EXD3: variants seen among roughly 807,000 people sequenced by gnomAD.
EXD3 encodes exonuclease 3'-5' domain containing 3.
Under a neutral mutation model 98.0 loss-of-function variants are expected in EXD3, and 92 were observed. That is an observed-to-expected ratio of 0.94 (90% confidence interval 0.79 to 1.12). The LOEUF (loss-of-function observed/expected upper bound fraction) is 1.12, where lower values mean the gene tolerates loss of function less well. Among genes scored for constraint, EXD3 ranks in the 50% most tolerant of loss-of-function variants. The pLI, the probability that EXD3 is intolerant of heterozygous loss-of-function variation, is 0.00. For synonymous variants in EXD3, 569 were observed against 526.0 expected (o/e 1.08, Z -1.12); for missense variants, 1,222 against 1,191.6 (o/e 1.03, Z -0.38).
Position 137,371,421 on chromosome 9 carries a change from G to A in EXD3, c.462+1484C>T, listed in dbSNP as rs765030011. On this transcript the variant is annotated intron_variant, in intron 5 of 21. Coordinates refer to ENST00000340951, the MANE Select transcript of EXD3 (RefSeq NM_017820.5). This position sits in a 1 kb window ranked among gnomAD's most constrained non-coding sequence, Gnocchi z 8.0. ...ACAGGGGACACTCCTGTGAGGGCCC[G>A]GCCAGGGCAGCCCCCGATGCCCGTG... 1.4e-4 allele frequency among the ~76,000 whole-genome samples: 21 copies of A among 152,086 alleles called. No individual in the cohort carries two copies. Among genetic ancestry groups the A allele is most frequent in the East Asian group, 3.9e-4 (2 of 5,170 alleles).
rs1439995315 is a variant in EXD3, at chr9:137,395,407, G to C, written c.-47-3C>G. On this transcript the variant is annotated splice_polypyrimidine_tract_variant and splice_region_variant and intron_variant, in intron 1 of 21. Coordinates refer to ENST00000340951, the MANE Select transcript of EXD3 (RefSeq NM_017820.5). The surrounding 1 kb of genome is among the most constrained non-coding windows in gnomAD (Gnocchi z 6.5). Reference sequence around the variant, plus strand: ...GGCAGGCAGCTAGGAACGAGGATCTGCAGAAACAGACAATCAGGTGAATGC... The same window carrying C: ...GGCAGGCAGCTAGGAACGAGGATCTCCAGAAACAGACAATCAGGTGAATGC... 5 of 1,612,574 alleles carry C rather than the reference G, an allele frequency of 3.1e-6. No individual in the cohort carries two copies. The highest frequency in any genetic ancestry group is 4.2e-6 in the Non-Finnish European group (5 of 1,179,628).
intron 17 of EXD3, among the ~76,000 whole-genome samples, chr9:137,331,510 C>T (rs1833061733): frequency 6.6e-6 from 1 of 152,088 alleles, no homozygotes; most frequent in African/African-American, 2.4e-5. Flanking sequence ...CCTCGAAAAC[C>T]CTAAAGGCTC....
chr9:137,398,969 C>G (rs1014536163), intron 1 of EXD3, among the ~76,000 whole-genome samples: 5 of 152,226 alleles, frequency 3.3e-5, no homozygotes, highest in Admixed American at 2.6e-4. Flanking sequence ...CCCCAAGACA[C>G]ACAGGCAACC....
chr9:137,333,754 G>A (rs887093623), intron 17 of EXD3, among the ~76,000 whole-genome samples: 5 of 152,174 alleles, frequency 3.3e-5, no homozygotes, highest in South Asian at 2.1e-4. Flanking sequence ...CCAGTGATAC[G>A]GTTCCTGTAC....
intron 5 of EXD3, among the ~76,000 whole-genome samples, chr9:137,369,857 G>A (rs1187417509): frequency 6.6e-6 from 1 of 152,242 alleles, no homozygotes; most frequent in Non-Finnish European, 1.5e-5. Flanking sequence ...CAGAGCCCAG[G>A]GCTAACAGGT....
chr9:137,398,944 G>A (rs777860626), intron 1 of EXD3, among the ~76,000 whole-genome samples: 28 of 148,024 alleles, frequency 1.9e-4, no homozygotes, highest in Admixed American at 1.3e-4. Flanking sequence ...GTGCACCCGC[G>A]TCCCCAAGAC....
chr9:137,312,190 TC>T (rs1564461277), intron 19 of EXD3, among the ~76,000 whole-genome samples: 1 of 151,714 alleles, frequency 6.6e-6, no homozygotes, highest in Admixed American at 6.6e-5. Flanking sequence ...AGGCTGTGGG[TC>T]CAGAGCAGCA....
intron 7 of EXD3, among the ~76,000 whole-genome samples, chr9:137,356,880 G>C (rs1834817411): frequency 6.6e-6 from 1 of 152,154 alleles, no homozygotes; most frequent in African/African-American, 2.4e-5. Context: ...TCCTGGGACT[G>C]ACACCCCCAT....
chr9:137,349,975 G>A lies in EXD3; in HGVS notation c.1495-444C>T, dbSNP rs977178930. Among the ~76,000 whole-genome samples, 1 of 151,868 alleles carries A rather than the reference G, an allele frequency of 6.6e-6. No homozygotes were observed. The highest frequency in any genetic ancestry group is 1.5e-5 in the Non-Finnish European group (1 of 67,960). On this transcript the variant is annotated intron_variant, in intron 14 of 21. Transcript: ENST00000340951. This position sits in a 1 kb window ranked among gnomAD's most constrained non-coding sequence, Gnocchi z 7.4. ...AGGGGCGCTCCACGTGTGTGTCTGG[G>A]GTGGCGTGTGTGCCCAGAGAGGGGT...
At chr9:137,325,316 T>G (rs1832333730) in intron 17 of EXD3, among the ~76,000 whole-genome samples, 1 of 152,146 alleles carries the variant, frequency 6.6e-6, no homozygotes, top group Non-Finnish European at 1.5e-5. Context: ...ATCCAAGGAC[T>G]CAGGAGCCAG....
At chr9:137,342,487 AAGTGTTGTCTAT>A in intron 17 of EXD3, among the ~76,000 whole-genome samples, 1 of 152,178 alleles carries the variant, frequency 6.6e-6, no homozygotes, top group Non-Finnish European at 1.5e-5. Flanking sequence ...GACATTTGTG[AAGTGTTGTCTAT>A]CTGAGAAGTT....
chr9:137,334,567 A>G (rs1833258114), intron 17 of EXD3, among the ~76,000 whole-genome samples: 1 of 152,184 alleles, frequency 6.6e-6, no homozygotes, highest in South Asian at 2.1e-4. Context: ...ACCTCTCACC[A>G]TATACAAAAC....
intron 17 of EXD3, among the ~76,000 whole-genome samples, chr9:137,329,090 C>G (rs1832745999): frequency 2.2e-5 from 1 of 46,122 alleles, no homozygotes. Flanking sequence ...CGGGGCTACA[C>G]GGGACTACAC....
At chr9:137,416,087 T>C (rs1270596788) in intron 1 of EXD3, among the ~76,000 whole-genome samples, 1 of 152,250 alleles carries the variant, frequency 6.6e-6, no homozygotes, top group Non-Finnish European at 1.5e-5. Context: ...GATGGGATCT[T>C]AGCCTTAGCA....
In EXD3 at chr9:137,339,496, CAAA is replaced by C. The variant is rs57029740; in HGVS notation, c.1998+8572_1998+8574del. On this transcript the variant is annotated intron_variant, in intron 17 of 21. Coordinates refer to ENST00000340951, the MANE Select transcript of EXD3 (RefSeq NM_017820.5). ...TGGGTAACACAGCAAGACGCCACTT[CAAA>C]AAAAAAAAAAAAAAAAAAATCACAG... Among the ~76,000 whole-genome samples the C allele has an allele frequency of 2.7e-3, 247 of 92,656 alleles. 2 individuals are homozygous for C. The highest frequency in any genetic ancestry group is 5.6e-3 in the Middle Eastern group (1 of 178). 60.8% of individuals were successfully genotyped at this position (92,656 alleles called of 152,430 possible). A position where few individuals can be genotyped will look rare whatever the true frequency, so the allele number is the denominator to read the frequency against.
chr9:137,359,063 C>A (rs1356606450), intron 7 of EXD3, among the ~76,000 whole-genome samples: 8 of 87,516 alleles, frequency 9.1e-5, no homozygotes, highest in South Asian at 7.5e-4. Flanking sequence ...TCTCCTGCCT[C>A]AGCCTCCAGA....
At chr9:137,411,376 G>A (rs1342697592) in intron 1 of EXD3, among the ~76,000 whole-genome samples, 2 of 152,092 alleles carry the variant, frequency 1.3e-5, no homozygotes, top group Non-Finnish European at 2.9e-5. Context: ...ATGGGGGGCA[G>A]CCCTGCTCCT....
rs1304031115 is a variant in EXD3 at position 137,374,900 on chromosome 9, T to A, written c.121-1301A>T. ...TAACTCTAGTGAGTCCTGGCCCTAGTGAGATCTAGCTCTAGTGAGTTCTAA... is the reference window on the plus strand; with the variant it reads ...TAACTCTAGTGAGTCCTGGCCCTAGAGAGATCTAGCTCTAGTGAGTTCTAA... On this transcript the variant is annotated intron_variant, in intron 3 of 21. Coordinates refer to ENST00000340951, the MANE Select transcript of EXD3 (RefSeq NM_017820.5). 3.1e-6 allele frequency: 3 copies of A among 973,682 alleles called. No homozygotes were observed. In the African/African-American group the frequency reaches 5.3e-5, roughly 17 times the overall value. 60.3% of individuals were successfully genotyped at this position (973,682 alleles called of 1,614,324 possible).
intron 19 of EXD3, among the ~76,000 whole-genome samples, chr9:137,322,584 C>G (rs1047757672): frequency 1.2e-5 from 1 of 85,358 alleles, no homozygotes. Flanking sequence ...CACCTCACCC[C>G]GGACCACGAG....
Sources: gnomAD v4.1 joint callset for allele counts (sites outside exome capture counted in the v4.1 genomes callset) on GRCh38, gnomAD v4.1.1 for gene constraint, Gnocchi (gnomAD v3.1) non-coding constraint, MANE v1.5 for transcripts, NCBI Gene and HGNC (gene_info 2026-07-23, HGNC 2026-07-21) for gene names.